The following MAF variants were observed in gnomAD, a reference collection of about 807,000 sequenced individuals.
MAF encodes the protein MAF bZIP transcription factor.
In MAF, 10 loss-of-function variants were observed where a neutral mutation model predicts 22.0. The ratio of observed to expected loss-of-function variants is 0.45; its 90% CI spans 0.28 to 0.77. The LOEUF (loss-of-function observed/expected upper bound fraction) is 0.77. MAF is among the 30% of genes least tolerant of loss of function. The pLI, the probability that MAF is intolerant of heterozygous loss-of-function variation, is 0.12. For synonymous variants in MAF, 337 were observed against 255.8 expected (o/e 1.32, Z -3.03); for missense variants, 544 against 548.4 (o/e 0.99, Z 0.08).
chr16:79,392,087 AG>A, the MAF span, among the ~76,000 whole-genome samples: 5 of 150,448 alleles, frequency 3.3e-5, no homozygotes, highest in South Asian at 4.3e-4. Flanking sequence ...ATGCAGAGAA[AG>A]AAAAGAGAAA....
chr16:79,327,401 T>G, the MAF span, among the ~76,000 whole-genome samples: 1 of 152,210 alleles, frequency 6.6e-6, no homozygotes, highest in Admixed American at 6.5e-5. Context: ...TGCTCTTTGA[T>G]GTACCTATTT....
the MAF span, among the ~76,000 whole-genome samples, chr16:79,513,741 T>C: frequency 6.6e-6 from 1 of 152,188 alleles, no homozygotes; most frequent in Non-Finnish European, 1.5e-5. Context: ...GAAACATATG[T>C]TTAAAAGCGC....
the MAF span, among the ~76,000 whole-genome samples, chr16:79,450,831 T>C: frequency 6.6e-6 from 1 of 151,642 alleles, no homozygotes; most frequent in African/African-American, 2.4e-5. Context: ...CATTTAACAT[T>C]TTTACATTTT....
chr16:79,324,449 G>A, the MAF span, among the ~76,000 whole-genome samples: 4 of 152,162 alleles, frequency 2.6e-5, no homozygotes, highest in East Asian at 3.9e-4. Context: ...TTTGGGACTC[G>A]AGTATGCATG....
the MAF span, among the ~76,000 whole-genome samples, chr16:79,411,386 C>G: frequency 6.6e-6 from 1 of 152,214 alleles, no homozygotes; most frequent in Non-Finnish European, 1.5e-5. Flanking sequence ...CTTGAGTTAT[C>G]TGCCCCATAT....
chr16:79,485,385 G>A, the MAF span, among the ~76,000 whole-genome samples: 1 of 152,158 alleles, frequency 6.6e-6, no homozygotes. Flanking sequence ...CCCATTTGTT[G>A]TGATTTTATG....
At chr16:79,433,060 G>A in the MAF span, among the ~76,000 whole-genome samples, 9 of 152,010 alleles carry the variant, frequency 5.9e-5, no homozygotes, top group South Asian at 2.1e-4. Flanking sequence ...CCCACAGCAC[G>A]TCCACATCAT....
the MAF span, among the ~76,000 whole-genome samples, chr16:79,222,702 GA>G: frequency 6.6e-6 from 1 of 151,576 alleles, no homozygotes; most frequent in Non-Finnish European, 1.5e-5. Context: ...CAAGTGGGAA[GA>G]AAAAAAAGCA....
chr16:79,220,270 AAAAAG>A, the MAF span, among the ~76,000 whole-genome samples: 1 of 151,396 alleles, frequency 6.6e-6, no homozygotes, highest in African/African-American at 2.4e-5. Context: ...AAAAAAAAAA[AAAAAG>A]TTAAAGTTAA....
the MAF span, among the ~76,000 whole-genome samples, chr16:79,259,254 C>T: frequency 2.0e-5 from 3 of 152,272 alleles, no homozygotes; most frequent in East Asian, 1.9e-4. Flanking sequence ...GGGATGCCCA[C>T]GCTTGCCCAC....
the MAF span, among the ~76,000 whole-genome samples, chr16:79,502,720 TATATATATATATATATATA>T: frequency 4.2e-5 from 1 of 23,604 alleles, no homozygotes; most frequent in East Asian, 2.8e-3. Context: ...TATATATATA[TATATATATATATATATATA>T]TATATATATA....
the MAF span, among the ~76,000 whole-genome samples, chr16:79,399,097 G>A: frequency 4.5e-3 from 693 of 152,326 alleles, 2 homozygotes; most frequent in Non-Finnish European, 7.3e-3. Context: ...TCCCTGTGAC[G>A]TTGAGAGGCA....
chr16:79,244,458 C>A, the MAF span, among the ~76,000 whole-genome samples: 31 of 152,006 alleles, frequency 2.0e-4, 1 homozygote, highest in African/African-American at 6.8e-4. Flanking sequence ...AGTGAACTCC[C>A]ATTCACAATT....
At chr16:79,259,759 G>C in the MAF span, among the ~76,000 whole-genome samples, 2 of 152,290 alleles carry the variant, frequency 1.3e-5, no homozygotes, top group East Asian at 3.9e-4. Flanking sequence ...GGTGGGGACA[G>C]ACATGACACA....
chr16:79,471,909 A>T, the MAF span, among the ~76,000 whole-genome samples: 1 of 152,368 alleles, frequency 6.6e-6, no homozygotes, highest in East Asian at 1.9e-4. Flanking sequence ...CATCACTGAC[A>T]ACTTTGGGGA....
chr16:79,415,728 T>C, the MAF span, among the ~76,000 whole-genome samples: 1 of 151,550 alleles, frequency 6.6e-6, no homozygotes, highest in Non-Finnish European at 1.5e-5. Context: ...GGCTTTGGAG[T>C]CAGTTAGACC....
chr16:79,353,238 C>T, the MAF span, among the ~76,000 whole-genome samples: 10 of 152,028 alleles, frequency 6.6e-5, no homozygotes, highest in African/African-American at 9.7e-5. Flanking sequence ...TCTCTTGCCT[C>T]AGCCTCCTGC....
chr16:79,575,039 A>G, the MAF span, among the ~76,000 whole-genome samples: 1 of 119,620 alleles, frequency 8.4e-6, no homozygotes, highest in African/African-American at 3.0e-5. Flanking sequence ...TTTTTTTTTT[A>G]ATACTGATGT....
chr16:79,363,576 G>C, the MAF span, among the ~76,000 whole-genome samples: 1 of 152,154 alleles, frequency 6.6e-6, no homozygotes, highest in Non-Finnish European at 1.5e-5. Flanking sequence ...AATGTGTATT[G>C]CTTTCTCACC....
Sources: gnomAD v4.1 joint callset for allele counts (sites outside exome capture counted in the v4.1 genomes callset) on GRCh38, gnomAD v4.1.1 for gene constraint, MANE v1.5 for transcripts, NCBI Gene and HGNC (gene_info 2026-07-23, HGNC 2026-07-21) for gene names.